Variants in CFAP61 observed in about 807,000 individuals in gnomAD.
CFAP61 encodes the protein cilia and flagella associated protein 61.
In CFAP61, 107 loss-of-function variants were observed where a neutral mutation model predicts 135.6. That is an observed-to-expected ratio of 0.79 (90% CI 0.67 to 0.93). The LOEUF (loss-of-function observed/expected upper bound fraction) is 0.93. CFAP61 is among the 40% of genes least tolerant of loss of function. CFAP61 has a pLI of 0.00. For missense variants in CFAP61, 1,507 were observed against 1,556.2 expected (o/e 0.97, Z 0.53); for synonymous variants, 575 against 578.5 (o/e 0.99, Z 0.09).
At chr20:20,121,966 C>T (rs555948831) in intron 8 of CFAP61, among the ~76,000 whole-genome samples, 12 of 150,178 alleles carry the variant, frequency 8.0e-5, no homozygotes, top group Admixed American at 4.6e-4. Context: ...AAAATTTTTC[C>T]GTAAGTTATT....
intron 24 of CFAP61, among the ~76,000 whole-genome samples, chr20:20,292,845 A>G (rs2147069844): frequency 6.6e-6 from 1 of 152,008 alleles, no homozygotes; most frequent in South Asian, 2.1e-4. Context: ...CCCACCCTCA[A>G]AAGTCCCACA....
intron 25 of CFAP61, among the ~76,000 whole-genome samples, chr20:20,327,018 G>A (rs1042949174): frequency 6.6e-6 from 1 of 151,714 alleles, no homozygotes; most frequent in African/African-American, 2.4e-5. Context: ...TTATAGTTTT[G>A]TTGCTGCTGT....
At chr20:20,147,463 T>C (rs1291706491) in intron 9 of CFAP61, among the ~76,000 whole-genome samples, 1 of 152,254 alleles carries the variant, frequency 6.6e-6, no homozygotes, top group East Asian at 1.9e-4. Context: ...TGGTATTTCA[T>C]TGTGGTTTTA....
intron 25 of CFAP61, among the ~76,000 whole-genome samples, chr20:20,308,809 T>C (rs549967469): frequency 8.9e-4 from 135 of 152,306 alleles, no homozygotes; most frequent in Middle Eastern, 6.8e-3. Flanking sequence ...TTAAAGTCCT[T>C]TATAGATTTT....
intron 2 of CFAP61, among the ~76,000 whole-genome samples, chr20:20,067,644 A>T (rs1357859458): frequency 3.1e-5 from 4 of 129,882 alleles, no homozygotes; most frequent in Non-Finnish European, 4.9e-5. Flanking sequence ...TCCATCTCAA[A>T]ATATATATAT....
rs779101364 is a variant in CFAP61, at chr20:20,052,599, A to G, written c.-37+8A>G. 13 of 1,613,776 alleles carry G rather than the reference A, an allele frequency of 8.1e-6. No homozygotes were observed. Among genetic ancestry groups the G allele is most frequent in the Non-Finnish European group, 1.0e-5 (12 of 1,179,866 alleles). ...CCTGGAGCTGCGGATGAGGTGGGTA[A>G]CGCCGTGCTGACTAGCAGCGACGCA... On this transcript the variant is annotated splice_region_variant and intron_variant, in intron 1 of 26. Coordinates refer to ENST00000245957, the MANE Select transcript of CFAP61 (RefSeq NM_015585.4).
At chr20:20,147,172 T>G (rs977716968) in intron 9 of CFAP61, among the ~76,000 whole-genome samples, 2 of 152,258 alleles carry the variant, frequency 1.3e-5, no homozygotes, top group African/African-American at 4.8e-5. Flanking sequence ...TTTGGCTACA[T>G]ATCTTTGCAA....
chr20:20,241,841 TAATC>T lies in CFAP61; in HGVS notation c.2061-4274_2061-4271del, dbSNP rs528474771. Among the ~76,000 whole-genome samples the T allele has an allele frequency of 2.0e-3, 306 of 152,252 alleles. 2 individuals are homozygous for T. The highest frequency in any genetic ancestry group is 3.4e-3 in the Non-Finnish European group (233 of 68,016). On this transcript the variant is annotated intron_variant, in intron 18 of 26. Transcript: ENST00000245957. Reference sequence around the variant, plus strand: ...TAAATGGTAATAAATAAGAGACAAGTAATCAGTGTGTACTTGCAGACTGTCAGCC... The same window carrying T: ...TAAATGGTAATAAATAAGAGACAAGTAGTGTGTACTTGCAGACTGTCAGCC...
rs150493585 is a variant in CFAP61, at chr20:20,089,521, G to T, written c.567-1323G>T. ...TAGGGGGAGGAAATAGACATTAGTA[G>T]CCAAAGCAGATATACTAGAAAAAAA... On this transcript the variant is annotated intron_variant, in intron 6 of 26. Coordinates refer to ENST00000245957, the MANE Select transcript of CFAP61 (RefSeq NM_015585.4). Among the ~76,000 whole-genome samples, 817 of 150,072 alleles carry T rather than the reference G, an allele frequency of 5.4e-3. 10 individuals are homozygous for T. Among genetic ancestry groups the T allele is most frequent in the African/African-American group, 0.019 (773 of 40,766 alleles).
intron 25 of CFAP61, among the ~76,000 whole-genome samples, chr20:20,332,100 T>A (rs1277931046): frequency 6.6e-6 from 1 of 152,174 alleles, no homozygotes; most frequent in Non-Finnish European, 1.5e-5. Context: ...ACCAGCAATG[T>A]GCAAACAAAT....
chr20:20,219,082 G>A (rs546890920), intron 17 of CFAP61, among the ~76,000 whole-genome samples: 3 of 152,194 alleles, frequency 2.0e-5, no homozygotes, highest in Non-Finnish European at 4.4e-5. Flanking sequence ...ACAAGATTTT[G>A]CTTACATCTC....
intron 24 of CFAP61, among the ~76,000 whole-genome samples, chr20:20,294,100 A>G (rs1031383876): frequency 6.6e-6 from 1 of 152,268 alleles, no homozygotes; most frequent in Non-Finnish European, 1.5e-5. Context: ...TTGCTCGTAT[A>G]CTTAAAATAG....
chr20:20,249,600 A>G (rs904387560), intron 19 of CFAP61, among the ~76,000 whole-genome samples: 2 of 152,150 alleles, frequency 1.3e-5, no homozygotes, highest in Admixed American at 6.5e-5. Context: ...ACATTCTTCA[A>G]CACTTCCTTT....
At chr20:20,055,913 A>G (rs767552473) in intron 1 of CFAP61, 13 of 1,496,464 alleles carry the variant, frequency 8.7e-6, no homozygotes, top group Middle Eastern at 1.7e-4. Context: ...AAATTGAGAC[A>G]ATGAGAGAGA....
At chr20:20,221,895 C>A (rs1185957943) in intron 17 of CFAP61, 1 of 152,210 alleles carries the variant, frequency 6.6e-6, no homozygotes, top group Non-Finnish European at 1.5e-5. Flanking sequence ...ATGCTGTAAT[C>A]TTTTTGAAGA....
Position 20,277,346 on chromosome 20 carries a change from T to C in CFAP61, c.2684T>C (p.Val895Ala). ...GCGGACGCGCTAGGAGCCGCCGGAG[T>C]CACTATGTACCGGGATGCGATCCTG... is the stretch of plus-strand genomic sequence containing the variant. ...AVADALGAAG[V>A]TMYRDAILAQ... is the part of the protein sequence containing the mutation. The change falls in exon 22 of 27, where the codon GTC becomes GCC. Residue 895 changes from valine to alanine, a missense_variant. Coordinates refer to ENST00000245957, the MANE Select transcript of CFAP61 (RefSeq NM_015585.4). The C allele has an allele frequency of 6.2e-7, 1 of 1,614,058 alleles. No homozygotes were observed. Among genetic ancestry groups the C allele is most frequent in the Non-Finnish European group, 8.5e-7 (1 of 1,180,002 alleles).
At chr20:20,245,214 C>T (rs550688208) in intron 18 of CFAP61, among the ~76,000 whole-genome samples, 11 of 152,326 alleles carry the variant, frequency 7.2e-5, no homozygotes, top group Middle Eastern at 6.8e-3. Flanking sequence ...TTTTCAGCAG[C>T]GCCCCACTCT....
chr20:20,240,545 A>G (rs1481601166), intron 18 of CFAP61, among the ~76,000 whole-genome samples: 1 of 149,978 alleles, frequency 6.7e-6, no homozygotes, highest in Admixed American at 6.6e-5. Flanking sequence ...AGCTGCCTTC[A>G]TTCAGTAAGA....
intron 26 of CFAP61, among the ~76,000 whole-genome samples, chr20:20,344,931 A>G (rs1288934880): frequency 2.6e-5 from 4 of 152,246 alleles, no homozygotes; most frequent in African/African-American, 9.6e-5. Context: ...AAAAATAAGG[A>G]AATCCTGTCA....
Sources: gnomAD v4.1 joint callset for allele counts (sites outside exome capture counted in the v4.1 genomes callset) on GRCh38, gnomAD v4.1.1 for gene constraint, MANE v1.5 for transcripts, NCBI Gene and HGNC (gene_info 2026-07-23, HGNC 2026-07-21) for gene names.